NHS: variants seen among roughly 807,000 people sequenced by gnomAD.
NHS encodes the protein NHS actin remodeling regulator.
A neutral mutation model predicts 72.5 loss-of-function variants in NHS; 5 were observed. That is an observed-to-expected ratio of 0.07 (90% CI 0.04 to 0.14). The LOEUF (loss-of-function observed/expected upper bound fraction) is 0.14, where lower values mean the gene tolerates loss of function less well. Ranked by LOEUF, NHS falls within the 10% of genes least tolerant of loss-of-function variation. The probability of loss-of-function intolerance (pLI) is 1.00; values close to 1 mark genes in which losing one functional copy is unlikely to be tolerated. For missense variants in NHS, 1,072 were observed against 1,355.7 expected (o/e 0.79, Z 3.29); for synonymous variants, 464 against 547.7 (o/e 0.85, Z 2.13).
At chrX:17,466,646 C>T (rs769593108) in intron 1 of NHS, among the ~76,000 whole-genome samples, 13 of 111,991 alleles carry the variant, frequency 1.2e-4, no homozygotes, top group African/African-American at 3.9e-4. Flanking sequence ...GGGCAGAAGC[C>T]ACTGCCAGGA....
At chrX:17,614,489 A>G (rs1170312959) in intron 1 of NHS, among the ~76,000 whole-genome samples, 1 of 111,541 alleles carries the variant, frequency 9.0e-6, no homozygotes, top group African/African-American at 3.3e-5. Flanking sequence ...AAACCCTCTC[A>G]TAAGTTTGAC....
At chrX:17,580,810 C>T (rs189164344) in intron 1 of NHS, among the ~76,000 whole-genome samples, 2,985 of 112,339 alleles carry the variant, frequency 0.027, 83 homozygotes, top group Admixed American at 0.074. Flanking sequence ...CTTCTTTACT[C>T]ATAACTAGAG....
intron 1 of NHS, among the ~76,000 whole-genome samples, chrX:17,666,841 G>A (rs1229432134): frequency 2.7e-5 from 3 of 112,320 alleles, no homozygotes; most frequent in Non-Finnish European, 5.6e-5. Context: ...CGAAAAGAGA[G>A]AACAAAGGCT....
rs779632717 is a variant in NHS at position 17,432,152 on chromosome X, C to G, written c.565+55830C>G. ...GTGTGACCCTGGACAAACAATTTAA[C>G]TTTTCTAATCTGTGGAATAGAAATA... On this transcript the variant is annotated intron_variant, in intron 1 of 8. Transcript: ENST00000676302. 4.4e-5 allele frequency among the ~76,000 whole-genome samples: 5 copies of G among 112,705 alleles called. No homozygotes were observed. In the East Asian group the frequency reaches 1.4e-3, roughly 31 times the overall value.
At chrX:17,609,892 G>A (rs2065701106) in intron 1 of NHS, among the ~76,000 whole-genome samples, 1 of 111,382 alleles carries the variant, frequency 9.0e-6, no homozygotes, top group Non-Finnish European at 1.9e-5. Flanking sequence ...CTCTAGCTTG[G>A]TGGGCCTAGT....
At chrX:17,493,655 C>T (rs2065000683) in intron 1 of NHS, among the ~76,000 whole-genome samples, 1 of 111,619 alleles carries the variant, frequency 9.0e-6, no homozygotes, top group African/African-American at 3.3e-5. Flanking sequence ...TATTTCTACT[C>T]AAAAGTAGGG....
At chrX:17,464,887 T>C (rs1426353970) in intron 1 of NHS, among the ~76,000 whole-genome samples, 1 of 111,835 alleles carries the variant, frequency 8.9e-6, no homozygotes, top group Admixed American at 9.5e-5. Context: ...GGTGCATCTG[T>C]AAAGGGAGAA....
At chrX:17,548,280 G>A (rs1415256125) in intron 1 of NHS, among the ~76,000 whole-genome samples, 1 of 111,211 alleles carries the variant, frequency 9.0e-6, no homozygotes, top group Non-Finnish European at 1.9e-5. Context: ...AAACCAGAAG[G>A]AAGAATAGAT....
intron 1 of NHS, among the ~76,000 whole-genome samples, chrX:17,474,617 C>T (rs916352425): frequency 3.6e-5 from 4 of 111,734 alleles, no homozygotes; most frequent in Non-Finnish European, 3.8e-5. Context: ...TGGAGTTGTC[C>T]CAAATTGAGG....
chrX:17,567,998 C>G (rs1206307612), intron 1 of NHS, among the ~76,000 whole-genome samples: 1 of 111,856 alleles, frequency 8.9e-6, no homozygotes, highest in African/African-American at 3.3e-5. Flanking sequence ...CCCTCCCCCA[C>G]CACCCAGTCC....
chrX:17,587,950 C>T (rs185175309), intron 1 of NHS, among the ~76,000 whole-genome samples: 1 of 112,011 alleles, frequency 8.9e-6, no homozygotes, highest in South Asian at 3.7e-4. Context: ...GAGACTACAG[C>T]GGGATGGCTT....
chrX:17,575,847 C>A (rs1482737101), intron 1 of NHS, among the ~76,000 whole-genome samples: 1 of 111,694 alleles, frequency 9.0e-6, no homozygotes, highest in East Asian at 2.8e-4. Flanking sequence ...GGCTCAGCTC[C>A]TCTGACTTCT....
Position 17,506,423 on chromosome X carries a change from A to G in NHS, c.565+130101A>G, listed in dbSNP as rs190305169. Among the ~76,000 whole-genome samples, 645 of 109,857 alleles carry G rather than the reference A, an allele frequency of 5.9e-3. 3 individuals carry two copies. The highest frequency in any genetic ancestry group is 0.02 in the African/African-American group (601 of 30,164). On this transcript the variant is annotated intron_variant, in intron 1 of 8. Coordinates refer to ENST00000676302, the MANE Select transcript of NHS (RefSeq NM_001291867.2). ...TGGGCTCCTGTAATCCCAGCTACTC[A>G]GGAGGCTGAGGCAGGGAGAATTGCT...
At chrX:17,475,066 G>C (rs917850127) in intron 1 of NHS, among the ~76,000 whole-genome samples, 1 of 111,773 alleles carries the variant, frequency 8.9e-6, no homozygotes, top group African/African-American at 3.3e-5. Context: ...TGGGGGAAGG[G>C]AGGGAAAAAT....
intron 1 of NHS, among the ~76,000 whole-genome samples, chrX:17,482,476 C>T (rs954205058): frequency 8.9e-6 from 1 of 112,420 alleles, no homozygotes; most frequent in Admixed American, 9.5e-5. Context: ...ACTCTGGCCT[C>T]GAGGAATCTT....
chrX:17,681,002 G>A (rs1388656224), intron 1 of NHS, among the ~76,000 whole-genome samples: 1 of 111,849 alleles, frequency 8.9e-6, no homozygotes, highest in African/African-American at 3.3e-5. Flanking sequence ...AGTTAGGATC[G>A]CTGAGTCATT....
At chrX:17,529,581 A>T (rs1006072428) in intron 1 of NHS, among the ~76,000 whole-genome samples, 6 of 111,465 alleles carry the variant, frequency 5.4e-5, no homozygotes, top group African/African-American at 2.0e-4. Context: ...GGGAAAAAAA[A>T]TGCTCTCCTT....
In NHS at chrX:17,657,297, T is replaced by C. The variant is rs1239346425; in HGVS notation, c.566-30445T>C. Among the ~76,000 whole-genome samples, 9 of 113,356 alleles carry C rather than the reference T, an allele frequency of 7.9e-5. No homozygotes were observed. In the Admixed American group the frequency reaches 8.3e-4, roughly 10 times the overall value. On this transcript the variant is annotated intron_variant, in intron 1 of 8. Coordinates refer to ENST00000676302, the MANE Select transcript of NHS (RefSeq NM_001291867.2). Reference sequence around the variant, plus strand: ...GATGGTGCACAGTGTTTTGCCATACTGTGGTATGCTCTGGAGTTTTGGAGC... The same window carrying C: ...GATGGTGCACAGTGTTTTGCCATACCGTGGTATGCTCTGGAGTTTTGGAGC...
At chrX:17,544,139 G>A (rs1023693696) in intron 1 of NHS, among the ~76,000 whole-genome samples, 8 of 112,434 alleles carry the variant, frequency 7.1e-5, no homozygotes, top group Admixed American at 2.8e-4. Flanking sequence ...GTATTATCAT[G>A]TATAACGTCA....
Sources: gnomAD v4.1 joint callset for allele counts (sites outside exome capture counted in the v4.1 genomes callset) on GRCh38, gnomAD v4.1.1 for gene constraint, MANE v1.5 for transcripts, NCBI Gene and HGNC (gene_info 2026-07-23, HGNC 2026-07-21) for gene names.